Variants in PIK3CA observed in about 807,000 individuals in gnomAD.
PIK3CA encodes phosphatidylinositol 4,5-bisphosphate 3-kinase catalytic subunit alpha isoform.
Under a neutral mutation model 138.2 loss-of-function variants are expected in PIK3CA, and 27 were observed. That is an observed-to-expected ratio of 0.20 (90% confidence interval 0.14 to 0.27). The LOEUF (loss-of-function observed/expected upper bound fraction) is 0.27. Ranked by LOEUF, PIK3CA falls within the 10% of genes least tolerant of loss-of-function variation. The pLI, the probability that PIK3CA is intolerant of heterozygous loss-of-function variation, is 1.00. For missense variants in PIK3CA, 544 were observed against 1,277.4 expected, an observed-to-expected ratio of 0.43 and a Z score of 8.75; for synonymous variants, 358 against 413.2, an observed-to-expected ratio of 0.87 and a Z score of 1.62.
At chr3:179,160,734 C>A (rs1170297526) in intron 1 of PIK3CA, among the ~76,000 whole-genome samples, 1 of 152,174 alleles carries the variant, frequency 6.6e-6, no homozygotes, top group Admixed American at 6.5e-5. Flanking sequence ...GTACAACACA[C>A]AATTTTGTAC....
intron 20 of PIK3CA, 144 bp from the exon 21 acceptor site, chr3:179,233,949 GT>G (rs1478551676): frequency 1.7e-6 from 1 of 589,284 alleles, no homozygotes; most frequent in Admixed American, 3.1e-5. Context: ...ATCAAAAGAT[GT>G]TGGTAAGAGA....
At chr3:179,187,537 C>CAAA (rs375116506) in intron 1 of PIK3CA, among the ~76,000 whole-genome samples, 17 of 63,272 alleles carry the variant, frequency 2.7e-4, no homozygotes, top group Admixed American at 7.8e-4. Flanking sequence ...GACTCCGCCT[C>CAAA]AAAAAAAAAA....
chr3:179,203,272 C>A (rs1425788159), intron 4 of PIK3CA, among the ~76,000 whole-genome samples: 6 of 151,994 alleles, frequency 3.9e-5, no homozygotes, highest in Admixed American at 3.9e-4. Flanking sequence ...TTTTTTGCCT[C>A]CAGTTAAGGG....
intron 9 of PIK3CA, among the ~76,000 whole-genome samples, chr3:179,217,532 A>G (rs1490862614): frequency 6.6e-6 from 1 of 152,124 alleles, no homozygotes; most frequent in Admixed American, 6.6e-5. Flanking sequence ...TTTTAAAAAT[A>G]TATGTAACCC....
intron 4 of PIK3CA, among the ~76,000 whole-genome samples, 158 bp from the exon 5 acceptor site, chr3:179,203,386 A>G (rs565955055): frequency 6.6e-6 from 1 of 152,338 alleles, no homozygotes; most frequent in African/African-American, 2.4e-5. Context: ...CCTAAATGTT[A>G]GTATTTTAAA....
intron 9 of PIK3CA, 100 bp downstream of exon 9, chr3:179,210,665 G>A (rs1724687976): frequency 8.7e-7 from 1 of 1,154,988 alleles, no homozygotes. Context: ...TACTGGCATA[G>A]ATACTATGAA....
At chr3:179,169,039 A>G (rs938630825) in intron 1 of PIK3CA, 6 of 151,964 alleles carry the variant, frequency 3.9e-5, no homozygotes, top group Admixed American at 2.0e-4. Flanking sequence ...TTATTTTCCC[A>G]CGTCAACAAT....
chr3:179,219,129 G>T lies in PIK3CA; in HGVS notation c.1665-67G>T, dbSNP rs1250086372. Reference sequence around the variant, plus strand: ...TTCTTAAGAAGATTCATATGGAGAAGTTAGACATGTCAACCTTTTGAACAG... The same window carrying T: ...TTCTTAAGAAGATTCATATGGAGAATTTAGACATGTCAACCTTTTGAACAG... On this transcript the variant is annotated intron_variant, in intron 10 of 20. Transcript: ENST00000263967. This position sits in a 1 kb window ranked among gnomAD's most constrained non-coding sequence, Gnocchi z 4.2. 3 of 912,918 alleles carry T rather than the reference G, an allele frequency of 3.3e-6. No individual in the cohort carries two copies. The highest frequency in any genetic ancestry group is 5.3e-6 in the Non-Finnish European group (3 of 564,154). The allele number at this position is 912,918 out of a possible 1,614,324, so 56.6% of individuals were successfully genotyped here.
In PIK3CA at chr3:179,205,020, C is replaced by CAAAAAAAAAAAAAA. The variant is rs574908621; in HGVS notation, c.1145+455_1145+468dup. ...TGGGCAACAGAGCGAGACTCCGTCTCAAAAAAAAAAAAAAAAAAAAAAAAA... is the reference window on the plus strand; with the variant it reads ...TGGGCAACAGAGCGAGACTCCGTCTCAAAAAAAAAAAAAAAAAAAAAAAAAAAAAAAAAAAAAAA... On this transcript the variant is annotated intron_variant, in intron 6 of 20. Coordinates refer to ENST00000263967, the MANE Select transcript of PIK3CA (RefSeq NM_006218.4). Among the ~76,000 whole-genome samples, 20 of 53,348 alleles carry CAAAAAAAAAAAAAA rather than the reference C, an allele frequency of 3.7e-4. 2 individuals carry two copies. The highest frequency in any genetic ancestry group is 1.9e-3 in the South Asian group (2 of 1,062). 35.0% of individuals were successfully genotyped at this position (53,348 alleles called of 152,430 possible).
chr3:179,178,525 T>C (rs746743662), intron 1 of PIK3CA, among the ~76,000 whole-genome samples: 1 of 152,206 alleles, frequency 6.6e-6, no homozygotes, highest in African/African-American at 2.4e-5. Flanking sequence ...TGAATAGTTA[T>C]GATATAGACC....
In PIK3CA at chr3:179,220,088, T is replaced by A. The variant is rs145664167; in HGVS notation, c.2015+36T>A. 1 of 1,376,140 alleles carries A rather than the reference T, an allele frequency of 7.3e-7. No individual in the cohort carries two copies. The highest frequency in any genetic ancestry group is 1.3e-5 in the South Asian group (1 of 75,608). 85.2% of individuals were successfully genotyped at this position (1,376,140 alleles called of 1,614,324 possible). A position where few individuals can be genotyped will look rare whatever the true frequency, so the allele number is the denominator to read the frequency against. ...TTATTTTCCCATTAAATTCTTAAGGTACATATTACTTGCTTTCTTAATAGA... is the reference window on the plus strand; with the variant it reads ...TTATTTTCCCATTAAATTCTTAAGGAACATATTACTTGCTTTCTTAATAGA... On this transcript the variant is annotated intron_variant, in intron 13 of 20. Coordinates refer to ENST00000263967, the MANE Select transcript of PIK3CA (RefSeq NM_006218.4). This position sits in a 1 kb window ranked among gnomAD's most constrained non-coding sequence, Gnocchi z 4.1.
chr3:179,179,864 C>T (rs1723796118), intron 1 of PIK3CA, among the ~76,000 whole-genome samples: 1 of 152,112 alleles, frequency 6.6e-6, no homozygotes, highest in South Asian at 2.1e-4. Flanking sequence ...TTTAATAAGA[C>T]TGTGAAGGGA....
intron 9 of PIK3CA, among the ~76,000 whole-genome samples, chr3:179,214,523 C>G (rs1333577861): frequency 6.6e-6 from 1 of 151,970 alleles, no homozygotes; most frequent in African/African-American, 2.4e-5. Context: ...AGAGTAACAT[C>G]AAAGATCACT....
chr3:179,237,245 G>A lies in PIK3CA; in HGVS notation c.*2881G>A, dbSNP rs889400735. 2 of 193,152 alleles carry A rather than the reference G, an allele frequency of 1.0e-5. No individual in the cohort carries two copies. The highest frequency in any genetic ancestry group is 3.9e-4 in the South Asian group (2 of 5,168). 12.0% of individuals were successfully genotyped at this position (193,152 alleles called of 1,614,324 possible). A position where few individuals can be genotyped will look rare whatever the true frequency, so the allele number is the denominator to read the frequency against. On this transcript the variant is annotated 3_prime_UTR_variant, in exon 21 of 21. Coordinates refer to ENST00000263967, the MANE Select transcript of PIK3CA (RefSeq NM_006218.4). ...GATGTTTCTAATTGGATTTTTAAAA[G>A]AAGAATGGAATTTGGTTGCTATTTT... is the stretch of plus-strand genomic sequence containing the variant.
intron 1 of PIK3CA, among the ~76,000 whole-genome samples, chr3:179,170,910 A>T (rs183472457): frequency 6.6e-6 from 1 of 152,326 alleles, no homozygotes; most frequent in Admixed American, 6.5e-5. Flanking sequence ...AGAAAACAGG[A>T]TACAGAAGAC....
intron 1 of PIK3CA, among the ~76,000 whole-genome samples, chr3:179,164,052 A>C (rs1723352467): frequency 6.6e-6 from 1 of 152,200 alleles, no homozygotes; most frequent in African/African-American, 2.4e-5. Context: ...CCGTGGAAAT[A>C]GGTTGTCATA....
rs1212317134 is a variant in PIK3CA, at chr3:179,236,264, A to G, written c.*1900A>G. The G allele has an allele frequency of 4.8e-6, 1 of 206,978 alleles. No homozygotes were observed. The highest frequency in any genetic ancestry group is 7.3e-5 in the East Asian group (1 of 13,616). The allele number at this position is 206,978 out of a possible 1,614,324, so 12.8% of individuals were successfully genotyped here. Reference sequence around the variant, plus strand: ...TATAATATTGCCAACAAGAAAAGTAAATTTGAAGATTAAGGGAACTTACTT... The same window carrying G: ...TATAATATTGCCAACAAGAAAAGTAGATTTGAAGATTAAGGGAACTTACTT... On this transcript the variant is annotated 3_prime_UTR_variant, in exon 21 of 21. Transcript: ENST00000263967.
At position 179,224,822 on chromosome 3, in the gene PIK3CA, G is replaced by A. The variant is rs2108418293; in HGVS notation, c.2416+1G>A. On this transcript the variant is annotated splice_donor_variant, in intron 16 of 20. Transcript: ENST00000263967. LOFTEE classifies it high-confidence loss of function. ...GAGATCATCTTTAAAAATGGGGATG[G>A]TAAGGAAGAGTATTAATGAGCTTAT... The A allele has an allele frequency of 6.3e-7, 1 of 1,599,618 alleles. No individual in the cohort carries two copies. The highest frequency in any genetic ancestry group is 8.6e-7 in the Non-Finnish European group (1 of 1,167,922).
At chr3:179,211,437 G>A (rs932179346) in intron 9 of PIK3CA, among the ~76,000 whole-genome samples, 51 of 152,138 alleles carry the variant, frequency 3.4e-4, no homozygotes, top group African/African-American at 1.1e-3. Flanking sequence ...TTGGGAGGCC[G>A]AAGCGGGTGA....
Sources: gnomAD v4.1 joint callset for allele counts (sites outside exome capture counted in the v4.1 genomes callset) on GRCh38, gnomAD v4.1.1 for gene constraint, Gnocchi (gnomAD v3.1) non-coding constraint, MANE v1.5 for transcripts, NCBI Gene and HGNC (gene_info 2026-07-23, HGNC 2026-07-21) for gene names.